Variants in TAF10 observed in about 807,000 individuals in gnomAD.
TAF10 encodes the protein transcription initiation factor TFIID subunit 10.
Under a neutral mutation model 18.1 loss-of-function variants are expected in TAF10, and 2 were observed. The ratio of observed to expected loss-of-function variants is 0.11; its 90% CI spans 0.05 to 0.35. The LOEUF is 0.35. TAF10 is among the 10% of genes least tolerant of loss of function. The probability of loss-of-function intolerance (pLI) is 1.00; values close to 1 mark genes in which losing one functional copy is unlikely to be tolerated. For missense variants in TAF10, 293 were observed against 306.9 expected, an observed-to-expected ratio of 0.95 and a Z score of 0.34; for synonymous variants, 158 against 134.6, an observed-to-expected ratio of 1.17 and a Z score of -1.20.
rs2134578740 is a variant in TAF10 at position 6,610,762 on chromosome 11, C to T, written c.*160G>A. The T allele has an allele frequency of 7.5e-7, 1 of 1,325,624 alleles. No individual in the cohort carries two copies. 82.1% of individuals were successfully genotyped at this position (1,325,624 alleles called of 1,614,324 possible). A position where few individuals can be genotyped will look rare whatever the true frequency, so the allele number is the denominator to read the frequency against. On this transcript the variant is annotated 3_prime_UTR_variant, in exon 5 of 5. Transcript: ENST00000299424. ...GTCCATCCCCTTCCCCCATCCCTACCACTGTGGCCCCAAGAGGGGCGGGCT... is the reference window on the plus strand; with the variant it reads ...GTCCATCCCCTTCCCCCATCCCTACTACTGTGGCCCCAAGAGGGGCGGGCT...
At position 6,611,709 on chromosome 11, in the gene TAF10, C is replaced by T. The variant is rs758938654; in HGVS notation, c.342G>A (p.Thr114=). The change falls in exon 2 of 5, where the codon ACG becomes ACA. Residue 114 remains threonine (T), a synonymous_variant. Coordinates refer to ENST00000299424, the MANE Select transcript of TAF10 (RefSeq NM_006284.4). ...GCTGCATCAAGAAGTCCACCAAAGGCGTGCTGGACACCACGGGCTTCACGT... is the reference window on the plus strand; with the variant it reads ...GCTGCATCAAGAAGTCCACCAAAGGTGTGCTGGACACCACGGGCTTCACGT... The part of the protein sequence containing the change: ...NGDVKPVVSS[T]PLVDFLMQLE... 36 of 1,609,408 alleles carry T rather than the reference C, an allele frequency of 2.2e-5. No homozygotes were observed. In the Admixed American group the frequency reaches 5.7e-4, roughly 26 times the overall value.
chr11:6,609,895 A>G lies in TAF10; in HGVS notation c.*1027T>C, dbSNP rs12288956. 1.9e-3 allele frequency: 3,122 copies of G among 1,614,152 alleles called. 70 individuals carry two copies. The African/African-American group carries it at 0.035, about 18-fold the overall frequency. ...CCCAGGCCCCAAAAGCCCTTTGCCT[A>G]TCTATGACTTACCTCCTTCTATCTG... is the stretch of plus-strand genomic sequence containing the variant. On this transcript the variant is annotated 3_prime_UTR_variant, in exon 5 of 5. Coordinates refer to ENST00000299424, the MANE Select transcript of TAF10 (RefSeq NM_006284.4).
chr11:6,611,846 C>G, intron 1 of TAF10, 28 bp from the exon 2 acceptor site: 1 of 1,597,448 alleles, frequency 6.3e-7, no homozygotes, highest in East Asian at 2.3e-5. Context: ...AAATGAGACA[C>G]AGAGGTGGGA....
Position 6,609,375 on chromosome 11 carries a change from G to A in TAF10, c.*1547C>T, listed in dbSNP as rs2134564162. 1 of 1,614,062 alleles carries A rather than the reference G, an allele frequency of 6.2e-7. No individual in the cohort carries two copies. Among genetic ancestry groups the A allele is most frequent in the Admixed American group, 1.7e-5 (1 of 60,020 alleles). ...GTTCGAGACTGGAGTACAAGGAAGA[G>A]CAGGGACTTCAATGAAGAGTGTCCC... On this transcript the variant is annotated 3_prime_UTR_variant, in exon 5 of 5. Transcript: ENST00000299424.
Position 6,609,320 on chromosome 11 carries a change from G to A in TAF10, c.*1602C>T. ...GCAGCTATGGAAGGGCCGCTGGCAGGGCAATGACATTGTCGTGAAGGTGCT... is the reference window on the plus strand; with the variant it reads ...GCAGCTATGGAAGGGCCGCTGGCAGAGCAATGACATTGTCGTGAAGGTGCT... On this transcript the variant is annotated 3_prime_UTR_variant, in exon 5 of 5. Transcript: ENST00000299424. 6.2e-7 allele frequency: 1 copy of A among 1,614,106 alleles called. No individual in the cohort carries two copies. Among genetic ancestry groups the A allele is most frequent in the Non-Finnish European group, 8.5e-7 (1 of 1,180,026 alleles).
In TAF10 at chr11:6,609,140, A is replaced by C; in HGVS notation, c.*1782T>G. 1.9e-6 allele frequency: 3 copies of C among 1,614,098 alleles called. No homozygotes were observed. The highest frequency in any genetic ancestry group is 2.5e-6 in the Non-Finnish European group (3 of 1,179,912). On this transcript the variant is annotated 3_prime_UTR_variant, in exon 5 of 5. Coordinates refer to ENST00000299424, the MANE Select transcript of TAF10 (RefSeq NM_006284.4). Reference sequence around the variant, plus strand: ...CTTAACTTCCTGACGAAGCTCAACGAGAATCACTCTGGAGAGGTGACCCCT... The same window carrying C: ...CTTAACTTCCTGACGAAGCTCAACGCGAATCACTCTGGAGAGGTGACCCCT...
Position 6,608,542 on chromosome 11 carries a change from TTGG to T in TAF10, c.*2377_*2379del, listed in dbSNP as rs2134556156. The T allele has an allele frequency of 6.6e-7, 1 of 1,503,956 alleles. No individual in the cohort carries two copies. The highest frequency in any genetic ancestry group is 2.3e-5 in the East Asian group (1 of 44,402). The allele number at this position is 1,503,956 out of a possible 1,614,324, so 93.2% of individuals were successfully genotyped here. ...ATGGGTAGGAAGTAAAGTCTGAGCCTTGGTGGGAGATTTTGGAACCCTCAACCC... is the reference window on the plus strand; with the variant it reads ...ATGGGTAGGAAGTAAAGTCTGAGCCTTGGGAGATTTTGGAACCCTCAACCC... On this transcript the variant is annotated 3_prime_UTR_variant, in exon 5 of 5. Transcript: ENST00000299424. The surrounding 1 kb of genome is among the most constrained non-coding windows in gnomAD (Gnocchi z 4.9).
chr11:6,611,799 G>T lies in TAF10; in HGVS notation c.252C>A (p.Gly84=). 6.2e-7 allele frequency: 1 copy of T among 1,601,418 alleles called. No individual in the cohort carries two copies. The highest frequency in any genetic ancestry group is 1.1e-5 in the South Asian group (1 of 90,152). ...ATATGGCCCCCTCCGGGGGCGCCGC[G>T]CCACCCGCCGACACCGGAGCTGGAG... ...RRGAAPVSAG[G]AAPPEGAISN... is the part of the protein sequence containing the mutation. The change falls in exon 2 of 5, where the codon GGC becomes GGA. Residue 84 remains glycine (G), a synonymous_variant. Transcript: ENST00000299424.
Position 6,610,881 on chromosome 11 carries a change from T to TGGG in TAF10, c.*38_*40dup. The stretch of plus-strand genomic sequence containing the variant: ...AGTTTATTATGAAAACAGGCTGGTG[T>TGGG]GGGGACATGGGGACAGATAAGTACA... On this transcript the variant is annotated 3_prime_UTR_variant, in exon 5 of 5. Transcript: ENST00000299424. 1.2e-6 allele frequency: 2 copies of TGGG among 1,601,564 alleles called. No homozygotes were observed. Among genetic ancestry groups the TGGG allele is most frequent in the Non-Finnish European group, 1.7e-6 (2 of 1,168,630 alleles).
Position 6,610,362 on chromosome 11 carries a change from T to C in TAF10, c.*560A>G. On this transcript the variant is annotated 3_prime_UTR_variant, in exon 5 of 5. Coordinates refer to ENST00000299424, the MANE Select transcript of TAF10 (RefSeq NM_006284.4). ...CTGTAGTGGGCCTTGGCTCCTCACA[T>C]ATTTGTTCGGATATACAGTAATCCT... The C allele has an allele frequency of 6.2e-7, 1 of 1,613,014 alleles. No individual in the cohort carries two copies. Among genetic ancestry groups the C allele is most frequent in the Non-Finnish European group, 8.5e-7 (1 of 1,179,152 alleles).
rs758893127 is a variant in TAF10, at chr11:6,610,198, A to G, written c.*724T>C. ...AAACAGACGCTCAGCAGACATGTGG[A>G]GTTTTGCAGTGCTTCTGTGGGAACT... On this transcript the variant is annotated 3_prime_UTR_variant, in exon 5 of 5. Transcript: ENST00000299424. 6.2e-7 allele frequency: 1 copy of G among 1,614,210 alleles called. No homozygotes were observed. The highest frequency in any genetic ancestry group is 8.5e-7 in the Non-Finnish European group (1 of 1,180,042).
Position 6,608,124 on chromosome 11 carries a change from G to A in TAF10, c.*2798C>T. 1 of 1,614,118 alleles carries A rather than the reference G, an allele frequency of 6.2e-7. No individual in the cohort carries two copies. The highest frequency in any genetic ancestry group is 8.5e-7 in the Non-Finnish European group (1 of 1,179,994). On this transcript the variant is annotated 3_prime_UTR_variant, in exon 5 of 5. Coordinates refer to ENST00000299424, the MANE Select transcript of TAF10 (RefSeq NM_006284.4). The surrounding 1 kb of genome is among the most constrained non-coding windows in gnomAD (Gnocchi z 4.9). ...CTGTGGTTGAGATGTTGATCATGCGGGGGGCACGGATCAATGTAATGAACC... is the reference window on the plus strand; with the variant it reads ...CTGTGGTTGAGATGTTGATCATGCGAGGGGCACGGATCAATGTAATGAACC...
In TAF10 at chr11:6,607,796, TGA is replaced by T; in HGVS notation, c.*3124_*3125del. ...GGAAGAGCACTACCACCTAAGGAAA[TGA>T]GATGTGGGATATGGTGAAGATAACA... On this transcript the variant is annotated 3_prime_UTR_variant, in exon 5 of 5. Transcript: ENST00000299424. The T allele has an allele frequency of 1.9e-6, 1 of 525,756 alleles. No homozygotes were observed. The highest frequency in any genetic ancestry group is 3.2e-5 in the Admixed American group (1 of 31,296). The allele number at this position is 525,756 out of a possible 1,614,324, so 32.6% of individuals were successfully genotyped here.
In TAF10 at chr11:6,607,262, T is replaced by C. The variant is rs1290396001; in HGVS notation, c.*3660A>G. Reference sequence around the variant, plus strand: ...AACCAATTGTTTTGTTTTGTTTGTATACTTTACTTTATAAAATACATATTT... The same window carrying C: ...AACCAATTGTTTTGTTTTGTTTGTACACTTTACTTTATAAAATACATATTT... On this transcript the variant is annotated 3_prime_UTR_variant, in exon 5 of 5. Coordinates refer to ENST00000299424, the MANE Select transcript of TAF10 (RefSeq NM_006284.4). 1 of 151,700 alleles carries C rather than the reference T, an allele frequency of 6.6e-6. No homozygotes were observed. Among genetic ancestry groups the C allele is most frequent in the African/African-American group, 2.4e-5 (1 of 40,902 alleles). 9.4% of individuals were successfully genotyped at this position (151,700 alleles called of 1,614,324 possible). A position where few individuals can be genotyped will look rare whatever the true frequency, so the allele number is the denominator to read the frequency against.
Position 6,607,933 on chromosome 11 carries a change from A to G in TAF10, c.*2989T>C. On this transcript the variant is annotated 3_prime_UTR_variant, in exon 5 of 5. Transcript: ENST00000299424. ...GAGTTGCTGGCATGAATGAGAATCA[A>G]AGTCCTAGAGAGGTAAGCCTTCCCA... The G allele has an allele frequency of 9.0e-7, 1 of 1,113,908 alleles. No homozygotes were observed. The highest frequency in any genetic ancestry group is 1.3e-6 in the Non-Finnish European group (1 of 756,622). 69.0% of individuals were successfully genotyped at this position (1,113,908 alleles called of 1,614,324 possible). A position where few individuals can be genotyped will look rare whatever the true frequency, so the allele number is the denominator to read the frequency against.
Position 6,611,182 on chromosome 11 carries a change from C to CT in TAF10, c.567+6dup, listed in dbSNP as rs1003404417. On this transcript the variant is annotated splice_region_variant and intron_variant, in intron 4 of 4. Coordinates refer to ENST00000299424, the MANE Select transcript of TAF10 (RefSeq NM_006284.4). Reference sequence around the variant, plus strand: ...TAATTACTGATTCATTAAGCCTCCCCTCACACCTTGCTCTTGCTCCGGGAG... The same window carrying CT: ...TAATTACTGATTCATTAAGCCTCCCCTTCACACCTTGCTCTTGCTCCGGGAG... The CT allele has an allele frequency of 6.2e-7, 1 of 1,613,376 alleles. No homozygotes were observed. The highest frequency in any genetic ancestry group is 1.3e-5 in the African/African-American group (1 of 74,928).
rs752274943 is a variant in TAF10 at position 6,610,981 on chromosome 11, A to G, written c.598T>C (p.Leu200=). Reference sequence around the variant, plus strand: ...CCATACTCGCTGAGGGCAGGGGTCAAGTCCTCCATGGTTAGAGTGTACTTG... The same window carrying G: ...CCATACTCGCTGAGGGCAGGGGTCAGGTCCTCCATGGTTAGAGTGTACTTG... The part of the protein sequence containing the change: ...DRKYTLTMED[L]TPALSEYGIN... The change falls in exon 5 of 5, where the codon TTG becomes CTG. Residue 200 remains leucine, a synonymous_variant. Coordinates refer to ENST00000299424, the MANE Select transcript of TAF10 (RefSeq NM_006284.4). 3.1e-6 allele frequency: 5 copies of G among 1,614,090 alleles called. No individual in the cohort carries two copies. The African/African-American group carries it at 6.7e-5, about 22-fold the overall frequency.
At position 6,609,209 on chromosome 11, in the gene TAF10, C is replaced by A; in HGVS notation, c.*1713G>T. 6.3e-7 allele frequency: 1 copy of A among 1,599,280 alleles called. No individual in the cohort carries two copies. Among genetic ancestry groups the A allele is most frequent in the African/African-American group, 1.3e-5 (1 of 74,786 alleles). On this transcript the variant is annotated 3_prime_UTR_variant, in exon 5 of 5. Transcript: ENST00000299424. ...TCACTAAACCCCCATAAATTACTTG[C>A]TTTGTACCTGTTTTAAGTTTTTCCT... is the stretch of plus-strand genomic sequence containing the variant.
Position 6,610,461 on chromosome 11 carries a change from G to A in TAF10, c.*461C>T. 1 of 1,614,184 alleles carries A rather than the reference G, an allele frequency of 6.2e-7. No homozygotes were observed. Among genetic ancestry groups the A allele is most frequent in the Admixed American group, 1.7e-5 (1 of 60,024 alleles). ...GGCTGCTTTTTTTCTTGTATTCGCAGGTGGCATTGGAAGGCCTTCGGCCTA... is the reference window on the plus strand; with the variant it reads ...GGCTGCTTTTTTTCTTGTATTCGCAAGTGGCATTGGAAGGCCTTCGGCCTA... On this transcript the variant is annotated 3_prime_UTR_variant, in exon 5 of 5. Transcript: ENST00000299424.
Sources: allele counts gnomAD v4.1 joint callset, GRCh38; gene constraint gnomAD v4.1.1; non-coding constraint Gnocchi (gnomAD v3.1); transcripts MANE v1.5; gene names NCBI Gene and HGNC (gene_info 2026-07-23, HGNC 2026-07-21).